Variants in KPNA5 observed in about 807,000 individuals in gnomAD.
The protein encoded by KPNA5 is karyopherin subunit alpha 5.
In KPNA5, 46 loss-of-function variants were observed where a neutral mutation model predicts 71.3. The ratio of observed to expected loss-of-function variants is 0.65; its 90% CI spans 0.51 to 0.83. The LOEUF (loss-of-function observed/expected upper bound fraction) is 0.83, where lower values mean the gene tolerates loss of function less well. Ranked by LOEUF, KPNA5 falls within the 40% of genes least tolerant of loss-of-function variation. The pLI, the probability that KPNA5 is intolerant of heterozygous loss-of-function variation, is 0.00. For missense variants in KPNA5, 547 were observed against 628.3 expected, an observed-to-expected ratio of 0.87 and a Z score of 1.38; for synonymous variants, 207 against 201.4, an observed-to-expected ratio of 1.03 and a Z score of -0.24.
At chr6:116,730,084 ATTTTTTTT>A (rs66651825) in intron 13 of KPNA5, among the ~76,000 whole-genome samples, 1 of 124,698 alleles carries the variant, frequency 8.0e-6, no homozygotes, top group Non-Finnish European at 1.7e-5. Context: ...AAAATATGTA[ATTTTTTTT>A]TTTTTTTTTT....
chr6:116,724,249 A>C (rs1483749858), intron 9 of KPNA5, 48 bp from the exon 10 acceptor site: 3 of 1,310,016 alleles, frequency 2.3e-6, no homozygotes, highest in Non-Finnish European at 2.2e-6. Context: ...TTCTGTGTAA[A>C]TTTTAAATTC....
intron 4 of KPNA5, among the ~76,000 whole-genome samples, chr6:116,693,990 G>A (rs1250995406): frequency 6.6e-6 from 1 of 152,006 alleles, no homozygotes; most frequent in African/African-American, 2.4e-5. Flanking sequence ...TTATTAAATA[G>A]GGAATCCTTT....
chr6:116,731,899 T>A (rs1779496537), intron 13 of KPNA5, among the ~76,000 whole-genome samples: 1 of 151,484 alleles, frequency 6.6e-6, no homozygotes, highest in Non-Finnish European at 1.5e-5. Context: ...AGGCCTATGG[T>A]CCTTCTTCGT....
intron 8 of KPNA5, among the ~76,000 whole-genome samples, chr6:116,718,521 C>T (rs1319358448): frequency 6.6e-6 from 1 of 152,090 alleles, no homozygotes; most frequent in Non-Finnish European, 1.5e-5. Context: ...CCTCGGCCTC[C>T]CAAAGTGCTG....
In KPNA5 at chr6:116,740,011, C is replaced by G. The variant is rs1779812307; in HGVS notation, c.*7688C>G. The stretch of plus-strand genomic sequence containing the variant: ...AATTGACAAATGGGATGTAATTGAA[C>G]TAAAGAGCTTCTGCACAGCAAAAGA... On this transcript the variant is annotated 3_prime_UTR_variant, in exon 14 of 14. Coordinates refer to ENST00000368564, the MANE Select transcript of KPNA5 (RefSeq NM_001366306.2). 1 of 152,076 alleles carries G rather than the reference C, an allele frequency of 6.6e-6. No individual in the cohort carries two copies. Among genetic ancestry groups the G allele is most frequent in the East Asian group, 1.9e-4 (1 of 5,202 alleles). 9.4% of individuals were successfully genotyped at this position (152,076 alleles called of 1,614,324 possible).
chr6:116,681,684 G>A, intron 1 of KPNA5: 1 of 332,180 alleles, frequency 3.0e-6, no homozygotes, highest in Non-Finnish European at 4.6e-6. Context: ...CTCATACCTG[G>A]TACCCATCAG....
At position 116,689,328 on chromosome 6, in the gene KPNA5, G is replaced by A. The variant is rs1381612898; in HGVS notation, c.13G>A (p.Ala5Thr). The A allele has an allele frequency of 3.1e-6, 5 of 1,602,728 alleles. No homozygotes were observed. In the African/African-American group the frequency reaches 6.8e-5, roughly 22 times the overall value. Residue 5 changes from alanine (A) to threonine (T), a missense_variant, in exon 2 of 14, where the codon GCT becomes ACT. Transcript: ENST00000368564. MDAM[A>T]SPGKDNYRMK... ...TTTCTCCTTCCTTTAAGATGCCATGGCTAGTCCAGGGAAAGATAACTATAG... is the reference window on the plus strand; with the variant it reads ...TTTCTCCTTCCTTTAAGATGCCATGACTAGTCCAGGGAAAGATAACTATAG...
chr6:116,711,287 T>G (rs1778672412), intron 7 of KPNA5, among the ~76,000 whole-genome samples: 1 of 151,646 alleles, frequency 6.6e-6, no homozygotes, highest in South Asian at 2.1e-4. Context: ...AAGAACTGCC[T>G]TTTTGTTTAG....
Position 116,692,146 on chromosome 6 carries a change from C to G in KPNA5, c.230C>G (p.Pro77Arg), listed in dbSNP as rs140309737. 4 of 1,601,384 alleles carry G rather than the reference C, an allele frequency of 2.5e-6. No homozygotes were observed. Among genetic ancestry groups the G allele is most frequent in the Non-Finnish European group, 2.6e-6 (3 of 1,169,434 alleles). ...GATCCAGATATTAGTTCCACTGTAC[C>G]CATTCCAGAGGTATACTTTACCAAA... ...IQDPDISSTVPIPEEEVVTTD... is the reference protein window; with the variant it reads ...IQDPDISSTVRIPEEEVVTTD... The change falls in exon 3 of 14, where the codon CCC becomes CGC. Residue 77 changes from proline to arginine, a missense_variant. Physicochemically the swap from Pro to Arg is moderately radical, Grantham distance 103 (BLOSUM62 -2). Coordinates refer to ENST00000368564, the MANE Select transcript of KPNA5 (RefSeq NM_001366306.2).
chr6:116,681,727 G>A (rs1191767714), intron 1 of KPNA5, among the ~76,000 whole-genome samples: 1 of 152,142 alleles, frequency 6.6e-6, no homozygotes, highest in Non-Finnish European at 1.5e-5. Context: ...ATTCCACAGT[G>A]TCCAAAGAAG....
At chr6:116,725,951 C>T in intron 11 of KPNA5, 75 bp downstream of exon 11, 1 of 1,476,808 alleles carries the variant, frequency 6.8e-7, no homozygotes, top group African/African-American at 1.4e-5. Flanking sequence ...AACACTTTTA[C>T]TAAAAAAGAT....
chr6:116,732,074 T>TTATA (rs2243369), intron 13 of KPNA5, 62 bp from the exon 14 acceptor site: 820 of 67,284 alleles, frequency 0.012, 34 homozygotes, highest in Admixed American at 0.016. Context: ...AACAGTTTGT[T>TTATA]TATATATATA....
chr6:116,682,280 G>A (rs920776670), intron 1 of KPNA5, among the ~76,000 whole-genome samples: 2 of 152,098 alleles, frequency 1.3e-5, no homozygotes, highest in Admixed American at 1.3e-4. Context: ...AGTGAGCCGA[G>A]AGCGCCATTG....
At chr6:116,683,896 CTTTTTTTTTTTTTTTTTTTTT>C (rs140446065) in intron 1 of KPNA5, among the ~76,000 whole-genome samples, 6,930 of 60,502 alleles carry the variant, frequency 0.11, 705 homozygotes, top group African/African-American at 0.29. Flanking sequence ...CGTGCCCGGC[CTTTTTTTTTTTTTTTTTTTTT>C]TTTTTTTTTT....
At chr6:116,701,985 T>G in intron 5 of KPNA5, 34 bp from the exon 6 acceptor site, 1 of 1,593,188 alleles carries the variant, frequency 6.3e-7, no homozygotes, top group Non-Finnish European at 8.5e-7. Context: ...ATTCTTTGGT[T>G]CTTTCATTTA....
intron 4 of KPNA5, among the ~76,000 whole-genome samples, chr6:116,697,513 T>G (rs1316525543): frequency 6.6e-6 from 1 of 152,070 alleles, no homozygotes; most frequent in Non-Finnish European, 1.5e-5. Flanking sequence ...ACTTAAAACT[T>G]AATGAAAACA....
intron 13 of KPNA5, 115 bp from the exon 14 acceptor site, chr6:116,732,021 G>A (rs1779500790): frequency 4.9e-6 from 1 of 202,092 alleles, no homozygotes; most frequent in Non-Finnish European, 9.4e-6. Context: ...GATAGATGAT[G>A]TTCACTTATT....
intron 11 of KPNA5, 35 bp downstream of exon 11, chr6:116,725,911 A>T: frequency 6.4e-7 from 1 of 1,573,312 alleles, no homozygotes; most frequent in Non-Finnish European, 8.6e-7. Flanking sequence ...TAGAACAGCA[A>T]GGTCTAAGAA....
chr6:116,681,350 T>C lies in KPNA5; in HGVS notation c.4+12T>C. The C allele has an allele frequency of 6.3e-7, 1 of 1,594,620 alleles. No homozygotes were observed. The highest frequency in any genetic ancestry group is 1.4e-5 in the African/African-American group (1 of 73,680). On this transcript the variant is annotated intron_variant, in intron 1 of 13. Coordinates refer to ENST00000368564, the MANE Select transcript of KPNA5 (RefSeq NM_001366306.2). ...TGCCACATTAATGGGTAAGTTGGAG[T>C]GAACACGGGCTAGGTTGGGGGAGCC... is the stretch of plus-strand genomic sequence containing the variant.
Sources: gnomAD v4.1 joint callset for allele counts (sites outside exome capture counted in the v4.1 genomes callset) on GRCh38, gnomAD v4.1.1 for gene constraint, MANE v1.5 for transcripts, NCBI Gene and HGNC (gene_info 2026-07-23, HGNC 2026-07-21) for gene names.